The following BMPR1B variants were observed in gnomAD, a reference collection of about 807,000 sequenced individuals.
The protein encoded by BMPR1B is bone morphogenetic protein receptor type-1B.
BMPR1B carries 12 observed loss-of-function variants against 59.1 expected under a neutral mutation model. The ratio of observed to expected loss-of-function variants is 0.20; its 90% CI spans 0.13 to 0.33. BMPR1B has a LOEUF of 0.33. BMPR1B is among the 10% of genes least tolerant of loss of function. The pLI is 1.00. For missense variants in BMPR1B, 550 were observed against 610.9 expected (o/e 0.90, Z 1.05); for synonymous variants, 237 against 207.3 (o/e 1.14, Z -1.23).
intron 2 of BMPR1B, among the ~76,000 whole-genome samples, chr4:94,980,852 G>T (rs191953515): frequency 6.6e-6 from 1 of 152,222 alleles, no homozygotes; most frequent in Non-Finnish European, 1.5e-5. Flanking sequence ...GGTATTAGCC[G>T]GGCGTGGTGG....
At position 95,154,652 on chromosome 4, in the gene BMPR1B, G is replaced by A; in HGVS notation, c.1488G>A (p.Glu496=). Residue 496 remains glutamate, a synonymous_variant, in exon 13 of 13, where the codon GAG becomes GAA. Transcript: ENST00000515059. ...AGAAAACACTTGCCAAAATGTCAGA[G>A]TCCCAGGACATTAAACTCTGATAGG... The part of the protein sequence containing the change: ...RVKKTLAKMS[E]SQDIKL The A allele has an allele frequency of 6.2e-7, 1 of 1,614,096 alleles. No homozygotes were observed. Among genetic ancestry groups the A allele is most frequent in the Admixed American group, 1.7e-5 (1 of 60,018 alleles).
chr4:95,044,110 G>A (rs1488462221), intron 3 of BMPR1B, among the ~76,000 whole-genome samples: 2 of 152,180 alleles, frequency 1.3e-5, no homozygotes, highest in African/African-American at 4.8e-5. Flanking sequence ...TAAAGCCATT[G>A]AGACCTGGTT....
chr4:94,851,514 A>G (rs1725564943), intron 1 of BMPR1B, among the ~76,000 whole-genome samples: 3 of 152,140 alleles, frequency 2.0e-5, no homozygotes, highest in South Asian at 4.1e-4. Context: ...AATGTTGGCT[A>G]TTAGCATTAG....
At chr4:95,035,357 C>T (rs1323988830) in intron 3 of BMPR1B, among the ~76,000 whole-genome samples, 1 of 152,086 alleles carries the variant, frequency 6.6e-6, no homozygotes, top group Non-Finnish European at 1.5e-5. Context: ...TTTGCCTAAG[C>T]CAATGTCTAG....
At chr4:94,920,726 C>A (rs966157177) in intron 2 of BMPR1B, among the ~76,000 whole-genome samples, 1 of 152,120 alleles carries the variant, frequency 6.6e-6, no homozygotes, top group African/African-American at 2.4e-5. Flanking sequence ...TAAATAGTGA[C>A]CCCTATTTCA....
rs544640053 is a variant in BMPR1B at position 94,961,763 on chromosome 4, G to T, written c.-112-34277G>T. Among the ~76,000 whole-genome samples, 24 of 151,884 alleles carry T rather than the reference G, an allele frequency of 1.6e-4. No homozygotes were observed. The South Asian group carries it at 3.1e-3, about 20-fold the overall frequency. The stretch of plus-strand genomic sequence containing the variant: ...AGTGTGCTAACATTATTTCCTATTC[G>T]TTTATAAATTAGTTTATTTAACGTA... On this transcript the variant is annotated intron_variant, in intron 2 of 12. Transcript: ENST00000515059.
At chr4:94,828,369 CAG>C (rs1292605159) in intron 1 of BMPR1B, among the ~76,000 whole-genome samples, 3 of 152,040 alleles carry the variant, frequency 2.0e-5, no homozygotes, top group African/African-American at 7.2e-5. Flanking sequence ...TTTCCAATAA[CAG>C]AATTTTTTCT....
intron 6 of BMPR1B, among the ~76,000 whole-genome samples, chr4:95,116,419 G>GCACACACACACACA (rs1168592798): frequency 2.4e-3 from 124 of 51,120 alleles, no homozygotes; most frequent in Middle Eastern, 0.013. Flanking sequence ...CTTTCAGCGC[G>GCACACACACACACA]CGCACACACA....
In BMPR1B at chr4:94,941,304, C is replaced by T. The variant is rs367894287; in HGVS notation, c.-112-54736C>T. Among the ~76,000 whole-genome samples the T allele has an allele frequency of 5.3e-5, 8 of 151,966 alleles. No homozygotes were observed. In the East Asian group the frequency reaches 9.7e-4, roughly 18 times the overall value. On this transcript the variant is annotated intron_variant, in intron 2 of 12. Transcript: ENST00000515059. Reference sequence around the variant, plus strand: ...AAAATTAGTGGGGCATGGTGGTGCACGCCTGTAGTCCCAGCTACCCGGGAG... The same window carrying T: ...AAAATTAGTGGGGCATGGTGGTGCATGCCTGTAGTCCCAGCTACCCGGGAG...
chr4:94,863,260 C>T (rs1257918457), intron 1 of BMPR1B, among the ~76,000 whole-genome samples: 3 of 152,260 alleles, frequency 2.0e-5, no homozygotes, highest in Non-Finnish European at 4.4e-5. Flanking sequence ...TGAAATAAAA[C>T]GTACACCAAA....
At chr4:95,110,212 G>C (rs890899016) in intron 4 of BMPR1B, among the ~76,000 whole-genome samples, 2 of 151,970 alleles carry the variant, frequency 1.3e-5, no homozygotes, top group African/African-American at 4.8e-5. Flanking sequence ...GAGAGAGGAA[G>C]TCCTGCAGGA....
intron 2 of BMPR1B, among the ~76,000 whole-genome samples, chr4:94,962,661 A>T (rs2149067959): frequency 6.6e-6 from 1 of 152,236 alleles, no homozygotes; most frequent in Middle Eastern, 3.4e-3. Context: ...GACAGGTTTC[A>T]TTCTTTTGTA....
chr4:94,903,283 A>T (rs1236486621), intron 2 of BMPR1B, among the ~76,000 whole-genome samples: 1 of 151,906 alleles, frequency 6.6e-6, no homozygotes, highest in African/African-American at 2.4e-5. Context: ...TTTATCCCCG[A>T]GTCCCAGTTA....
At chr4:94,908,654 T>G (rs550413927) in intron 2 of BMPR1B, among the ~76,000 whole-genome samples, 1 of 151,946 alleles carries the variant, frequency 6.6e-6, no homozygotes, top group African/African-American at 2.4e-5. Flanking sequence ...GAGTAATTAA[T>G]TTCAAATACT....
intron 2 of BMPR1B, among the ~76,000 whole-genome samples, chr4:94,938,437 G>A (rs1271040617): frequency 6.6e-6 from 1 of 151,942 alleles, no homozygotes; most frequent in Non-Finnish European, 1.5e-5. Context: ...AGAGGTTGCA[G>A]TGAGCTGAGG....
At chr4:95,071,648 G>GTATATATATATATATATATA (rs1553933769) in intron 3 of BMPR1B, among the ~76,000 whole-genome samples, 3 of 104,772 alleles carry the variant, frequency 2.9e-5, no homozygotes, top group African/African-American at 1.2e-4. Flanking sequence ...GTGTGTGTGT[G>GTATATATATATATATATATA]TGTGTATATA....
chr4:94,764,051 C>T (rs904337353), intron 1 of BMPR1B, among the ~76,000 whole-genome samples: 1 of 152,018 alleles, frequency 6.6e-6, no homozygotes, highest in African/African-American at 2.4e-5. Context: ...TTTTGATCTT[C>T]TTCAATTTGT....
chr4:95,148,720 G>A (rs776634311), intron 10 of BMPR1B, 28 bp from the exon 11 acceptor site: 21 of 1,609,078 alleles, frequency 1.3e-5, no homozygotes, highest in African/African-American at 4.0e-5. Context: ...CTTCAATGCT[G>A]TAATGCTTTG....
intron 1 of BMPR1B, among the ~76,000 whole-genome samples, chr4:94,838,140 G>A (rs1269069076): frequency 2.8e-5 from 4 of 141,210 alleles, no homozygotes; most frequent in African/African-American, 1.1e-4. Flanking sequence ...GCTTTTTGAT[G>A]TGCTGCTGGA....
Sources: allele counts gnomAD v4.1 joint callset (sites outside exome capture counted in the v4.1 genomes callset), GRCh38; gene constraint gnomAD v4.1.1; transcripts MANE v1.5; gene names NCBI Gene and HGNC (gene_info 2026-07-23, HGNC 2026-07-21).